The following HSPH1 variants were observed in gnomAD, a reference collection of about 807,000 sequenced individuals.
The protein encoded by HSPH1 is heat shock protein 105 kDa.
In HSPH1, 40 loss-of-function variants were observed where a neutral mutation model predicts 100.0. The ratio of observed to expected loss-of-function variants is 0.40; its 90% CI spans 0.31 to 0.52. HSPH1 has a LOEUF of 0.52. HSPH1 is among the 20% of genes least tolerant of loss of function. The pLI is 0.54. For missense variants in HSPH1, 876 were observed against 1,015.1 expected (o/e 0.86, Z 1.86); for synonymous variants, 403 against 344.0 (o/e 1.17, Z -1.90).
rs778250560 is a variant in HSPH1 at position 31,138,773 on chromosome 13, T to G, written c.2208+8A>C. 6.3e-7 allele frequency: 1 copy of G among 1,598,750 alleles called. No homozygotes were observed. The highest frequency in any genetic ancestry group is 8.5e-7 in the Non-Finnish European group (1 of 1,175,878). On this transcript the variant is annotated splice_region_variant and intron_variant, in intron 16 of 17. Transcript: ENST00000320027. ...ACTTCCTCCCTATGTACAAAAAGAC[T>G]GACTCACCTTATTTCTGAAGTCAGC...
intron 14 of HSPH1, among the ~76,000 whole-genome samples, chr13:31,139,373 T>A (rs1360281678): frequency 6.6e-6 from 1 of 152,090 alleles, no homozygotes; most frequent in Non-Finnish European, 1.5e-5. Flanking sequence ...TCTTAGTAAC[T>A]TTTTGTTGAC....
chr13:31,149,077 G>T (rs566259517), intron 8 of HSPH1, among the ~76,000 whole-genome samples: 4 of 152,176 alleles, frequency 2.6e-5, no homozygotes, highest in Non-Finnish European at 5.9e-5. Flanking sequence ...TCCTTCAAAA[G>T]AGAGGCCAAA....
At chr13:31,146,736 T>A (rs970305283) in intron 10 of HSPH1, among the ~76,000 whole-genome samples, 4 of 152,172 alleles carry the variant, frequency 2.6e-5, no homozygotes, top group Admixed American at 6.5e-5. Flanking sequence ...AAGTTACCTT[T>A]CTATACCTCT....
upstream of HSPH1, chr13:31,162,133 C>T (rs1010020985): frequency 1.7e-5 from 26 of 1,523,938 alleles, no homozygotes; most frequent in Non-Finnish European, 2.3e-5. Flanking sequence ...TGGCTCAAAC[C>T]TGCCTCCGCC....
At chr13:31,140,506 G>A in intron 13 of HSPH1, 197 bp from the exon 14 acceptor site, 1 of 290,372 alleles carries the variant, frequency 3.4e-6, no homozygotes. Context: ...GCTGAAGTTT[G>A]ATTTTTTTAA....
At chr13:31,157,589 A>G (rs1956743931) in intron 2 of HSPH1, among the ~76,000 whole-genome samples, 1 of 152,222 alleles carries the variant, frequency 6.6e-6, no homozygotes, top group Non-Finnish European at 1.5e-5. Flanking sequence ...ACATTCCATA[A>G]TATATAATAC....
At chr13:31,152,751 T>C (rs371651119) in intron 5 of HSPH1, 101 bp downstream of exon 5, 1 of 796,878 alleles carries the variant, frequency 1.3e-6, no homozygotes, top group Non-Finnish European at 2.1e-6. Flanking sequence ...GACTTGACTT[T>C]TTAACAGGCT....
At position 31,150,014 on chromosome 13, in the gene HSPH1, T is replaced by C; in HGVS notation, c.1077A>G (p.Gly359=). The C allele has an allele frequency of 6.2e-7, 1 of 1,613,860 alleles. No homozygotes were observed. The highest frequency in any genetic ancestry group is 8.5e-7 in the Non-Finnish European group (1 of 1,179,818). ...AVKERIAKFF[G]KDISTTLNAD... ...CATTGAGTGTTGTGCTAATATCTTT[T>C]CCAAAGAATTTGGCAATTCTTTCCT... The change falls in exon 8 of 18, where the codon GGA becomes GGG. Residue 359 remains glycine (G), a synonymous_variant. Transcript: ENST00000320027.
Position 31,152,949 on chromosome 13 carries a change from G to A in HSPH1, c.432C>T (p.Val144=), listed in dbSNP as rs766255880. Residue 144 remains valine (V), a splice_region_variant and synonymous_variant, in exon 5 of 18, where the codon GTC becomes GTT. Transcript: ENST00000320027. ...KKPVTDCVIS[V]PSFFTDAERR... ...TCTCAGCATCTGTAAAGAAGGAGGG[G>A]ACCTACAAACAAACAAAAAATTTTG... is the stretch of plus-strand genomic sequence containing the variant. The A allele has an allele frequency of 6.5e-5, 104 of 1,607,584 alleles. No individual in the cohort carries two copies. Among genetic ancestry groups the A allele is most frequent in the Non-Finnish European group, 8.7e-5 (102 of 1,175,460 alleles).
At chr13:31,144,536 G>A (rs925130911) in intron 11 of HSPH1, among the ~76,000 whole-genome samples, 44 of 152,046 alleles carry the variant, frequency 2.9e-4, no homozygotes, top group Non-Finnish European at 5.7e-4. Flanking sequence ...TAAAGAAAAA[G>A]AAGAATGAAC....
intron 5 of HSPH1, 189 bp from the exon 6 acceptor site, chr13:31,151,931 T>A: frequency 3.6e-6 from 2 of 560,918 alleles, no homozygotes; most frequent in Non-Finnish European, 6.3e-6. Context: ...CTTTCTGATT[T>A]CAGAACAATG....
chr13:31,154,408 A>G (rs1956602887), intron 4 of HSPH1: 2 of 575,948 alleles, frequency 3.5e-6, no homozygotes. Context: ...GTATTTTCAA[A>G]AAGTCTCACA....
chr13:31,154,601 T>C (rs1956611902), intron 4 of HSPH1, 32 bp downstream of exon 4: 1 of 1,613,474 alleles, frequency 6.2e-7, no homozygotes, highest in Non-Finnish European at 8.5e-7. Flanking sequence ...AAAAATGAAA[T>C]AAAACACACT....
intron 13 of HSPH1, chr13:31,140,878 T>C (rs10507397): frequency 0.38 from 123,109 of 323,348 alleles, 26,443 homozygotes; most frequent in Non-Finnish European, 0.47. Flanking sequence ...TGCTCTGTTA[T>C]GATTTATTGC....
At chr13:31,156,749 G>C (rs1176988689) in intron 2 of HSPH1, among the ~76,000 whole-genome samples, 1 of 152,176 alleles carries the variant, frequency 6.6e-6, no homozygotes, top group Admixed American at 6.5e-5. Flanking sequence ...GTGACCTAAT[G>C]TTTTCAACTG....
intron 12 of HSPH1, among the ~76,000 whole-genome samples, chr13:31,142,310 G>A (rs723918): frequency 0.27 from 40,795 of 151,874 alleles, 5,733 homozygotes; most frequent in East Asian, 0.46. Context: ...TAGATCCCAC[G>A]TTCCAGAGAC....
intron 1 of HSPH1, among the ~76,000 whole-genome samples, chr13:31,159,284 T>C (rs1005076174): frequency 2.0e-5 from 3 of 152,138 alleles, no homozygotes; most frequent in African/African-American, 7.2e-5. Flanking sequence ...TGTTCTGATA[T>C]ACCACCGGCT....
At chr13:31,160,785 A>G (rs547204721) in intron 1 of HSPH1, among the ~76,000 whole-genome samples, 2 of 151,248 alleles carry the variant, frequency 1.3e-5, no homozygotes, top group Admixed American at 1.3e-4. Context: ...GGCAAAGAGC[A>G]AAAAAAAAGA....
intron 2 of HSPH1, among the ~76,000 whole-genome samples, chr13:31,157,154 T>C (rs1187942167): frequency 6.6e-6 from 1 of 152,248 alleles, no homozygotes; most frequent in Non-Finnish European, 1.5e-5. Flanking sequence ...AAATTCCTTA[T>C]GTGTCTAAAA....
Sources: gnomAD v4.1 joint callset for allele counts (sites outside exome capture counted in the v4.1 genomes callset) on GRCh38, gnomAD v4.1.1 for gene constraint, MANE v1.5 for transcripts, NCBI Gene and HGNC (gene_info 2026-07-23, HGNC 2026-07-21) for gene names.